The following ACER3 variants were observed in gnomAD, a reference collection of about 807,000 sequenced individuals.
ACER3 encodes alkCDase 3.
In ACER3, 16 loss-of-function variants were observed where a neutral mutation model predicts 48.9. That is an observed-to-expected ratio of 0.33 (90% CI 0.22 to 0.50). The LOEUF (loss-of-function observed/expected upper bound fraction) is 0.50, where lower values mean the gene tolerates loss of function less well. ACER3 is among the 20% of genes least tolerant of loss of function. The pLI, the probability that ACER3 is intolerant of heterozygous loss-of-function variation, is 0.98. For missense variants in ACER3, 227 were observed against 326.0 expected, an observed-to-expected ratio of 0.70 and a Z score of 2.34; for synonymous variants, 109 against 107.8, an observed-to-expected ratio of 1.01 and a Z score of -0.07.
intron 6 of ACER3, among the ~76,000 whole-genome samples, chr11:76,997,792 C>T (rs984497566): frequency 6.6e-6 from 1 of 152,150 alleles, no homozygotes; most frequent in Admixed American, 6.5e-5. Flanking sequence ...GAGCTATGAT[C>T]ATGCCACTGC....
intron 2 of ACER3, among the ~76,000 whole-genome samples, chr11:76,927,294 G>C (rs10793206): frequency 0.57 from 86,875 of 151,896 alleles, 28,047 homozygotes; most frequent in Non-Finnish European, 0.74. Flanking sequence ...GCAGTTTAGT[G>C]TTCCTCAATA....
chr11:77,019,979 A>T (rs2135340460), intron 10 of ACER3, among the ~76,000 whole-genome samples: 1 of 152,340 alleles, frequency 6.6e-6, no homozygotes, highest in Non-Finnish European at 1.5e-5. Context: ...AATAAAATTA[A>T]GCTGCTAATA....
Position 76,984,387 on chromosome 11 carries a change from T to A in ACER3, c.321-1256T>A, listed in dbSNP as rs527619324. Among the ~76,000 whole-genome samples the A allele has an allele frequency of 2.6e-5, 4 of 152,370 alleles. No individual in the cohort carries two copies. The East Asian group carries it at 5.8e-4, about 22-fold the overall frequency. On this transcript the variant is annotated intron_variant, in intron 4 of 10. Transcript: ENST00000532485. ...ACTAATATTTCACCTAATATTTTCA[T>A]CATTGTCCAAGTCACAAAATTTAAA...
chr11:76,868,786 T>C (rs1348303581), intron 1 of ACER3, among the ~76,000 whole-genome samples: 3 of 152,230 alleles, frequency 2.0e-5, no homozygotes, highest in Admixed American at 1.3e-4. Context: ...CATGCTTCAA[T>C]CATGCCTATC....
chr11:77,004,952 A>G (rs1357092902), intron 7 of ACER3, among the ~76,000 whole-genome samples: 1 of 149,708 alleles, frequency 6.7e-6, no homozygotes, highest in Admixed American at 6.6e-5. Context: ...CTTAACTGCC[A>G]TTTTATTTTT....
At chr11:76,955,177 G>A (rs554262724) in intron 2 of ACER3, among the ~76,000 whole-genome samples, 12 of 151,964 alleles carry the variant, frequency 7.9e-5, no homozygotes, top group African/African-American at 2.4e-4. Flanking sequence ...AATGTAAGAT[G>A]GTACAGACAC....
chr11:76,973,188 C>T (rs1278571904), intron 3 of ACER3, among the ~76,000 whole-genome samples: 1 of 152,200 alleles, frequency 6.6e-6, no homozygotes, highest in Non-Finnish European at 1.5e-5. Context: ...AAGTTGACCC[C>T]TTGATTTCAG....
chr11:76,932,713 A>AC (rs1481620782), intron 2 of ACER3, among the ~76,000 whole-genome samples: 1 of 152,214 alleles, frequency 6.6e-6, no homozygotes, highest in Non-Finnish European at 1.5e-5. Context: ...TTTCAGCCTT[A>AC]CTAGGAGAAA....
chr11:76,872,718 T>G (rs780951596), intron 1 of ACER3, among the ~76,000 whole-genome samples: 9 of 152,156 alleles, frequency 5.9e-5, no homozygotes, highest in Non-Finnish European at 1.2e-4. Flanking sequence ...TCTAATGAAC[T>G]GTTTTATTAT....
At position 76,905,162 on chromosome 11, in the gene ACER3, A is replaced by AT. The variant is rs569362836; in HGVS notation, c.104-21388dup. Among the ~76,000 whole-genome samples, 96 of 151,986 alleles carry AT rather than the reference A, an allele frequency of 6.3e-4. 1 individual carries two copies. The highest frequency in any genetic ancestry group is 1.3e-3 in the Non-Finnish European group (88 of 67,996). On this transcript the variant is annotated intron_variant, in intron 1 of 10. Coordinates refer to ENST00000532485, the MANE Select transcript of ACER3 (RefSeq NM_018367.7). ...CCACCACACCTGGCCATGTGTGTGT[A>AT]TTTTTTTAGTGAAAATGTGATTGTG... is the stretch of plus-strand genomic sequence containing the variant.
chr11:76,907,679 G>A (rs569447750), intron 1 of ACER3, among the ~76,000 whole-genome samples: 8 of 151,520 alleles, frequency 5.3e-5, no homozygotes, highest in Admixed American at 1.3e-4. Context: ...AGACTAGCCT[G>A]GCCAACACAG....
chr11:76,994,322 G>A, intron 6 of ACER3: 1 of 369,456 alleles, frequency 2.7e-6, no homozygotes, highest in South Asian at 2.0e-5. Flanking sequence ...TAGAAACGGG[G>A]TATCGCCATG....
chr11:76,930,954 G>A (rs1241940504), intron 2 of ACER3, among the ~76,000 whole-genome samples: 1 of 150,714 alleles, frequency 6.6e-6, no homozygotes, highest in Non-Finnish European at 1.5e-5. Context: ...GATTTGGGGT[G>A]GAGAGTTCTG....
At chr11:76,902,289 T>C (rs966471848) in intron 1 of ACER3, among the ~76,000 whole-genome samples, 1 of 152,196 alleles carries the variant, frequency 6.6e-6, no homozygotes, top group Non-Finnish European at 1.5e-5. Context: ...TTGCTTTAAG[T>C]CATCATATAA....
At chr11:76,875,721 C>A in intron 1 of ACER3, among the ~76,000 whole-genome samples, 1 of 135,992 alleles carries the variant, frequency 7.4e-6, no homozygotes, top group South Asian at 2.3e-4. Flanking sequence ...ATGTAATACA[C>A]AGTTTTTGTT....
Position 77,016,741 on chromosome 11 carries a change from T to C in ACER3, c.666T>C (p.Ile222=). 1 of 1,604,400 alleles carries C rather than the reference T, an allele frequency of 6.2e-7. No individual in the cohort carries two copies. Among genetic ancestry groups the C allele is most frequent in the Non-Finnish European group, 8.5e-7 (1 of 1,174,198 alleles). ...ITTQFHAWWH[I]LTGLGSYLHI... ...CACAATTTCATGCATGGTGGCATAT[T>C]TTAACTGGCCTTGGTTCCTATCTTC... Residue 222 remains isoleucine (I), a synonymous_variant, in exon 9 of 11, where the codon ATT becomes ATC. Transcript: ENST00000532485.
chr11:76,877,404 A>C, intron 1 of ACER3, among the ~76,000 whole-genome samples: 1 of 152,150 alleles, frequency 6.6e-6, no homozygotes, highest in South Asian at 2.1e-4. Context: ...ATCTTCACTC[A>C]CTTATTCATT....
intron 1 of ACER3, among the ~76,000 whole-genome samples, chr11:76,879,633 A>G (rs1337582430): frequency 2.6e-5 from 4 of 152,276 alleles, no homozygotes; most frequent in East Asian, 1.9e-4. Context: ...TTTATCATGA[A>G]TAGGTGTTGG....
At chr11:76,966,008 G>A (rs1477872047) in intron 3 of ACER3, among the ~76,000 whole-genome samples, 3 of 150,902 alleles carry the variant, frequency 2.0e-5, no homozygotes, top group Non-Finnish European at 4.4e-5. Flanking sequence ...AAAGACACAG[G>A]CTGGCAAATT....
Sources: allele counts gnomAD v4.1 joint callset (sites outside exome capture counted in the v4.1 genomes callset), GRCh38; gene constraint gnomAD v4.1.1; transcripts MANE v1.5; gene names NCBI Gene and HGNC (gene_info 2026-07-23, HGNC 2026-07-21).